Variants in RPTOR observed in about 807,000 individuals in gnomAD.
RPTOR encodes regulatory-associated protein of mTOR.
RPTOR carries 21 observed loss-of-function variants against 169.9 expected under a neutral mutation model. That is an observed-to-expected ratio of 0.12 (90% confidence interval 0.09 to 0.18). The LOEUF is 0.18. Among genes scored for constraint, RPTOR ranks in the 10% least tolerant of loss-of-function variants. The pLI is 1.00. For synonymous variants in RPTOR, 732 were observed against 753.2 expected (o/e 0.97, Z 0.46); for missense variants, 1,133 against 1,855.9 (o/e 0.61, Z 7.16).
intron 27 of RPTOR, chr17:80,948,547 A>G (rs1417857930): frequency 6.6e-6 from 1 of 152,570 alleles, no homozygotes; most frequent in Non-Finnish European, 1.5e-5. Flanking sequence ...CGAGCACTGG[A>G]GCAGGGCCAG....
intron 1 of RPTOR, among the ~76,000 whole-genome samples, chr17:80,586,199 A>G (rs1462913135): frequency 6.6e-6 from 1 of 151,872 alleles, no homozygotes; most frequent in Non-Finnish European, 1.5e-5. Flanking sequence ...ACTTCAACCC[A>G]TCCTGATCTC....
intron 3 of RPTOR, among the ~76,000 whole-genome samples, chr17:80,691,716 G>T (rs1029273852): frequency 1.3e-5 from 2 of 152,178 alleles, no homozygotes; most frequent in Non-Finnish European, 2.9e-5. Context: ...TCTCCAGGGA[G>T]TCTTGGTTTC....
intron 13 of RPTOR, among the ~76,000 whole-genome samples, chr17:80,858,384 G>A (rs1025886575): frequency 3.9e-5 from 6 of 152,260 alleles, no homozygotes; most frequent in Non-Finnish European, 8.8e-5. Flanking sequence ...GGTGTTAGGG[G>A]CCACCCCCTT....
At chr17:80,929,800 G>A (rs964598847) in intron 24 of RPTOR, among the ~76,000 whole-genome samples, 7 of 152,172 alleles carry the variant, frequency 4.6e-5, no homozygotes, top group South Asian at 2.1e-4. Flanking sequence ...CATGGCTTCC[G>A]GTCCCGCTTT....
At chr17:80,587,130 G>A (rs1897873368) in intron 1 of RPTOR, among the ~76,000 whole-genome samples, 1 of 151,072 alleles carries the variant, frequency 6.6e-6, no homozygotes, top group African/African-American at 2.5e-5. Context: ...TCACCGGCCC[G>A]GCGCAGCCCC....
chr17:80,758,385 G>C (rs2066701924), intron 6 of RPTOR, among the ~76,000 whole-genome samples: 1 of 152,150 alleles, frequency 6.6e-6, no homozygotes, highest in Non-Finnish European at 1.5e-5. Context: ...AGTCCATTGT[G>C]GGGTGCTTTG....
intron 4 of RPTOR, among the ~76,000 whole-genome samples, chr17:80,711,842 C>T (rs755712296): frequency 6.7e-6 from 1 of 149,228 alleles, no homozygotes. Context: ...CTCCTGGGTT[C>T]AAGCAATTCT....
intron 16 of RPTOR, among the ~76,000 whole-genome samples, chr17:80,884,766 C>T (rs1455049064): frequency 6.6e-6 from 1 of 152,208 alleles, no homozygotes; most frequent in Non-Finnish European, 1.5e-5. Context: ...TTTCAGTTCC[C>T]GGGGCAATGC....
Position 80,845,879 on chromosome 17 carries a change from T to C in RPTOR, c.1213-594T>C, listed in dbSNP as rs1318609429. ...TTATCTCGCCTGGCCCGGTGCTGGT[T>C]TGTGGCTCTGCCCTGGACGTTGCTC... is the stretch of plus-strand genomic sequence containing the variant. On this transcript the variant is annotated intron_variant, in intron 10 of 33. Coordinates refer to ENST00000306801, the MANE Select transcript of RPTOR (RefSeq NM_020761.3). The surrounding 1 kb of genome is among the most constrained non-coding windows in gnomAD (Gnocchi z 5.4). Among the ~76,000 whole-genome samples the C allele has an allele frequency of 1.3e-5, 2 of 152,194 alleles. No homozygotes were observed. The highest frequency in any genetic ancestry group is 6.5e-5 in the Admixed American group (1 of 15,292).
rs116848594 is a variant in RPTOR, at chr17:80,723,764, G to T, written c.508-6796G>T. ...TGTAAACACATGCATATTGATTTGC[G>T]TATCTATGTACAGGTGTGGAAACTA... On this transcript the variant is annotated intron_variant, in intron 4 of 33. Coordinates refer to ENST00000306801, the MANE Select transcript of RPTOR (RefSeq NM_020761.3). Among the ~76,000 whole-genome samples the T allele has an allele frequency of 2.1e-4, 32 of 151,476 alleles. No homozygotes were observed. In the East Asian group the frequency reaches 6.0e-3, roughly 28 times the overall value.
intron 1 of RPTOR, among the ~76,000 whole-genome samples, chr17:80,621,471 C>T (rs1018728268): frequency 2.6e-5 from 4 of 152,208 alleles, no homozygotes; most frequent in East Asian, 1.9e-4. Flanking sequence ...CGCCCTGTGT[C>T]GGCCTCTGCC....
In RPTOR at chr17:80,707,220, C is replaced by T. The variant is rs912209772; in HGVS notation, c.349-621C>T. ...TGAGCAAATTCTCTCTTCCATGCTCCAGATGTTTTCAGAAGGACCGCGTAC... is the reference window on the plus strand; with the variant it reads ...TGAGCAAATTCTCTCTTCCATGCTCTAGATGTTTTCAGAAGGACCGCGTAC... On this transcript the variant is annotated intron_variant, in intron 3 of 33. Transcript: ENST00000306801. The surrounding 1 kb of genome is among the most constrained non-coding windows in gnomAD (Gnocchi z 5.0). Among the ~76,000 whole-genome samples, 2 of 152,288 alleles carry T rather than the reference C, an allele frequency of 1.3e-5. No homozygotes were observed. Among genetic ancestry groups the T allele is most frequent in the African/African-American group, 4.8e-5 (2 of 41,546 alleles).
intron 10 of RPTOR, 43 bp from the exon 11 acceptor site, chr17:80,846,430 G>A: frequency 6.3e-7 from 1 of 1,576,682 alleles, no homozygotes; most frequent in Admixed American, 1.7e-5. Context: ...CAGGCCATCT[G>A]GGAACATGGC....
rs977309030 is a variant in RPTOR, at chr17:80,659,252, C to T, written c.348+15442C>T. On this transcript the variant is annotated intron_variant, in intron 3 of 33. Transcript: ENST00000306801. This position sits in a 1 kb window ranked among gnomAD's most constrained non-coding sequence, Gnocchi z 4.3. Reference sequence around the variant, plus strand: ...TGGGTGAAATGTAGGCTCCATGGCTCCGAGGGGGAAGTGGGCTCAGAAGAG... The same window carrying T: ...TGGGTGAAATGTAGGCTCCATGGCTTCGAGGGGGAAGTGGGCTCAGAAGAG... Among the ~76,000 whole-genome samples the T allele has an allele frequency of 2.6e-4, 40 of 152,108 alleles. No homozygotes were observed. The highest frequency in any genetic ancestry group is 8.2e-4 in the African/African-American group (34 of 41,414).
intron 21 of RPTOR, 61 bp from the exon 22 acceptor site, chr17:80,922,663 G>A: frequency 7.3e-7 from 1 of 1,362,070 alleles, no homozygotes; most frequent in Admixed American, 2.0e-5. Flanking sequence ...TCTGCTTCGT[G>A]TGGCGGCCTC....
intron 7 of RPTOR, among the ~76,000 whole-genome samples, chr17:80,792,509 G>A (rs1375105519): frequency 1.3e-5 from 2 of 152,160 alleles, no homozygotes; most frequent in Non-Finnish European, 2.9e-5. Flanking sequence ...AGCGACACTG[G>A]TCCTGATGTG....
intron 4 of RPTOR, among the ~76,000 whole-genome samples, chr17:80,715,499 C>T (rs1303744103): frequency 6.6e-6 from 1 of 151,576 alleles, no homozygotes; most frequent in Non-Finnish European, 1.5e-5. Context: ...ATTCCAAGCT[C>T]TTAAGATAGT....
At chr17:80,839,158 C>T (rs544123867) in intron 10 of RPTOR, among the ~76,000 whole-genome samples, 50 of 152,312 alleles carry the variant, frequency 3.3e-4, no homozygotes, top group African/African-American at 1.2e-3. Flanking sequence ...CGTGTGTACG[C>T]GTGAGTGGGT....
chr17:80,545,808 G>A lies in RPTOR; in HGVS notation c.162+17G>A. The A allele has an allele frequency of 6.3e-7, 1 of 1,582,310 alleles. No individual in the cohort carries two copies. Among genetic ancestry groups the A allele is most frequent in the Non-Finnish European group, 8.6e-7 (1 of 1,163,280 alleles). ...AAGGATCGGGTAAGTGGATTCTGAA[G>A]GCACCCCTTGAACTTGGTAGTTTCC... On this transcript the variant is annotated intron_variant, in intron 1 of 33. Coordinates refer to ENST00000306801, the MANE Select transcript of RPTOR (RefSeq NM_020761.3).
Sources: allele counts gnomAD v4.1 joint callset (sites outside exome capture counted in the v4.1 genomes callset), GRCh38; gene constraint gnomAD v4.1.1; non-coding constraint Gnocchi (gnomAD v3.1); transcripts MANE v1.5; gene names NCBI Gene and HGNC (gene_info 2026-07-23, HGNC 2026-07-21).